Variants in ZNF519 observed in about 807,000 individuals in gnomAD.
The protein encoded by ZNF519 is zinc finger protein 519, also known as similar to Zinc finger protein 85 (Zinc finger protein HPF4) (HTF1).
In ZNF519, 7 loss-of-function variants were observed where a neutral mutation model predicts 7.4. That is an observed-to-expected ratio of 0.94 (90% CI 0.54 to 1.77). ZNF519 has a LOEUF of 1.77. Among genes scored for constraint, ZNF519 ranks in the 40% most tolerant of loss-of-function variants. The pLI, the probability that ZNF519 is intolerant of heterozygous loss-of-function variation, is 0.00. For missense variants in ZNF519, 586 were observed against 623.1 expected (o/e 0.94, Z 0.63); for synonymous variants, 179 against 203.3 (o/e 0.88, Z 1.02).
rs752849651 is a variant in ZNF519, at chr18:14,106,284, C to T, written c.256G>A (p.Glu86Lys). The change falls in exon 3 of 3, where the codon GAA (glutamate) becomes AAA (lysine). Residue 86 changes from glutamate (E) to lysine (K), a missense_variant. By Grantham distance (56) the Glu-to-Lys change is moderately conservative (BLOSUM62 1). Transcript: ENST00000590202. ...LENICLWKNW[E>K]SIGEGEGQKE... ...TGTCCTTCACCTTCACCTATACTTT[C>T]CCAGTTTTTCCATAAGCATATATTT... 19 of 1,613,256 alleles carry T rather than the reference C, an allele frequency of 1.2e-5. No homozygotes were observed. The highest frequency in any genetic ancestry group is 1.7e-4 in the Middle Eastern group (1 of 6,022).
intron 2 of ZNF519, among the ~76,000 whole-genome samples, chr18:14,117,144 C>T (rs556034973): frequency 1.1e-4 from 16 of 152,060 alleles, no homozygotes; most frequent in South Asian, 2.1e-4. Flanking sequence ...TATCTCTGCA[C>T]GCTAAACATT....
At chr18:14,090,670 C>G (rs1366130396) in intron 2 of ZNF519, 2 of 152,266 alleles carry the variant, frequency 1.3e-5, no homozygotes, top group Non-Finnish European at 2.9e-5. Flanking sequence ...CCAGGGGAGC[C>G]CCTTCCTGGG....
At chr18:14,115,474 T>A (rs2046242052) in intron 2 of ZNF519, among the ~76,000 whole-genome samples, 1 of 152,214 alleles carries the variant, frequency 6.6e-6, no homozygotes, top group Admixed American at 6.5e-5. Context: ...ATTGGAGGCA[T>A]ACACCCTGAT....
rs1335286125 is a variant in ZNF519, at chr18:14,132,255, G to A, written c.3+20C>T. The A allele has an allele frequency of 1.2e-6, 2 of 1,613,584 alleles. No homozygotes were observed. Among genetic ancestry groups the A allele is most frequent in the East Asian group, 2.2e-5 (1 of 44,874 alleles). ...GGAGCCCCCTCCCCAGTCTCGGTAC[G>A]CCCTGCCCCCCACACTCACCATTTC... On this transcript the variant is annotated intron_variant, in intron 1 of 2. Transcript: ENST00000590202.
At chr18:14,079,079 C>A in intron 3 of ZNF519, among the ~76,000 whole-genome samples, 1 of 152,164 alleles carries the variant, frequency 6.6e-6, no homozygotes, top group East Asian at 1.9e-4. Context: ...ACACAGTTGC[C>A]AATTCTTGAA....
chr18:14,131,712 TA>T (rs2046331098), intron 1 of ZNF519, among the ~76,000 whole-genome samples: 2 of 152,068 alleles, frequency 1.3e-5, no homozygotes, highest in South Asian at 4.1e-4. Context: ...CCTGATTACA[TA>T]ACCAGGAAAT....
intron 2 of ZNF519, among the ~76,000 whole-genome samples, chr18:14,108,792 G>T (rs2046206889): frequency 2.0e-5 from 3 of 152,062 alleles, no homozygotes; most frequent in Admixed American, 2.0e-4. Flanking sequence ...GACAAAGACG[G>T]TTATCTATAT....
intron 2 of ZNF519, among the ~76,000 whole-genome samples, chr18:14,110,597 C>A (rs1170400361): frequency 6.6e-6 from 1 of 152,118 alleles, no homozygotes; most frequent in Non-Finnish European, 1.5e-5. Flanking sequence ...TGCTCAACAT[C>A]ACTAATCAGA....
At position 14,105,563 on chromosome 18, in the gene ZNF519, C is replaced by T. The variant is rs775140206; in HGVS notation, c.977G>A (p.Gly326Asp). Residue 326 changes from glycine to aspartate, a missense_variant, in exon 3 of 3, where the codon GGC becomes GAC. Gly to Asp is a moderately conservative substitution (Grantham distance 94, BLOSUM62 -1). Coordinates refer to ENST00000590202, the MANE Select transcript of ZNF519 (RefSeq NM_145287.4). ...GTATGAGCCTCTGTTAAAAGCTTTG[C>T]CACATTCCTTACACTTGAAAGGCTT... ...GEKPFKCKEC[G>D]KAFNRGSYLT... 12 of 1,614,076 alleles carry T rather than the reference C, an allele frequency of 7.4e-6. No homozygotes were observed. In the South Asian group the frequency reaches 1.3e-4, roughly 18 times the overall value.
chr18:14,106,704 G>A (rs1019021498), intron 2 of ZNF519, among the ~76,000 whole-genome samples: 2 of 152,018 alleles, frequency 1.3e-5, no homozygotes, highest in African/African-American at 4.8e-5. Context: ...ACTAAAAGAG[G>A]GTAGGAAAGA....
chr18:14,131,901 G>C (rs1271516011), intron 1 of ZNF519, among the ~76,000 whole-genome samples: 1 of 152,200 alleles, frequency 6.6e-6, no homozygotes, highest in Non-Finnish European at 1.5e-5. Context: ...CATATAAGCT[G>C]TCTATGTTTT....
At position 14,104,973 on chromosome 18, in the gene ZNF519, T is replaced by A; in HGVS notation, c.1567A>T (p.Lys523Ter). ...EKPFKCKECG[K>*]AFNRRSTLTQ... Reference sequence around the variant, plus strand: ...AGGGTTGAGCGTCTGTTAAAAGCTTTGCCACATTCTTTACATTTGAAAGGT... The same window carrying A: ...AGGGTTGAGCGTCTGTTAAAAGCTTAGCCACATTCTTTACATTTGAAAGGT... Residue 523 changes from lysine to a stop codon, truncating the protein, a stop_gained, in exon 3 of 3, where the codon AAA becomes TAA. Transcript: ENST00000590202. LOFTEE classifies it low-confidence loss of function (END_TRUNC). 1 of 1,595,628 alleles carries A rather than the reference T, an allele frequency of 6.3e-7. No homozygotes were observed. Among genetic ancestry groups the A allele is most frequent in the Non-Finnish European group, 8.5e-7 (1 of 1,172,538 alleles).
At chr18:14,128,640 C>T (rs2046313574) in intron 1 of ZNF519, among the ~76,000 whole-genome samples, 1 of 150,402 alleles carries the variant, frequency 6.6e-6, no homozygotes, top group East Asian at 2.0e-4. Flanking sequence ...TTGCTAATTA[C>T]ATTTCAAAGC....
intron 2 of ZNF519, among the ~76,000 whole-genome samples, chr18:14,088,217 A>G (rs1394771029): frequency 6.6e-6 from 1 of 152,216 alleles, no homozygotes; most frequent in East Asian, 1.9e-4. Flanking sequence ...GTATCAAGAC[A>G]TTTGAATCTT....
intron 1 of ZNF519, among the ~76,000 whole-genome samples, chr18:14,131,711 A>C (rs1448160724): frequency 6.6e-6 from 1 of 152,122 alleles, no homozygotes; most frequent in Non-Finnish European, 1.5e-5. Context: ...CCCTGATTAC[A>C]TAACCAGGAA....
At chr18:14,131,388 C>T (rs111843836) in intron 1 of ZNF519, among the ~76,000 whole-genome samples, 12 of 147,724 alleles carry the variant, frequency 8.1e-5, no homozygotes, top group Admixed American at 1.3e-4. Context: ...TGTATGGGAG[C>T]GTAGAAGTTG....
intron 1 of ZNF519, among the ~76,000 whole-genome samples, chr18:14,130,084 A>G (rs973359079): frequency 2.6e-5 from 4 of 152,070 alleles, no homozygotes; most frequent in African/African-American, 9.7e-5. Flanking sequence ...TGTGACTTCA[A>G]TAATACTCTC....
intron 2 of ZNF519, among the ~76,000 whole-genome samples, chr18:14,119,181 T>C (rs770224532): frequency 1.3e-5 from 2 of 152,194 alleles, no homozygotes; most frequent in East Asian, 1.9e-4. Flanking sequence ...AGCAGCACCC[T>C]TGTGACCCAG....
intron 1 of ZNF519, among the ~76,000 whole-genome samples, chr18:14,125,063 CA>C (rs1053944096): frequency 4.6e-5 from 7 of 152,172 alleles, no homozygotes; most frequent in African/African-American, 1.7e-4. Context: ...CTTCTTATAA[CA>C]AGTCTCCTGT....
Sources: allele counts gnomAD v4.1 joint callset (sites outside exome capture counted in the v4.1 genomes callset), GRCh38; gene constraint gnomAD v4.1.1; transcripts MANE v1.5; gene names NCBI Gene and HGNC (gene_info 2026-07-23, HGNC 2026-07-21).